Variants in LIN7A observed in about 807,000 individuals in gnomAD.
LIN7A encodes the protein protein lin-7 homolog A.
LIN7A carries 25 observed loss-of-function variants against 29.8 expected under a neutral mutation model. That is an observed-to-expected ratio of 0.84 (90% CI 0.61 to 1.17). The LOEUF (loss-of-function observed/expected upper bound fraction) is 1.17, where lower values mean the gene tolerates loss of function less well. Among genes scored for constraint, LIN7A ranks in the 50% most tolerant of loss-of-function variants. The probability of loss-of-function intolerance (pLI) is 0.00; values close to 1 mark genes in which losing one functional copy is unlikely to be tolerated. For synonymous variants in LIN7A, 118 were observed against 107.5 expected (o/e 1.10, Z -0.60); for missense variants, 239 against 287.0 (o/e 0.83, Z 1.21).
intron 3 of LIN7A, 104 bp downstream of exon 3, chr12:80,848,147 A>T: frequency 1.2e-6 from 1 of 851,376 alleles, no homozygotes; most frequent in Non-Finnish European, 2.0e-6. Context: ...TGATGTCTAA[A>T]TTCTCTTACA....
intron 4 of LIN7A, among the ~76,000 whole-genome samples, chr12:80,819,925 T>C (rs942610387): frequency 6.6e-6 from 1 of 152,212 alleles, no homozygotes; most frequent in Non-Finnish European, 1.5e-5. Flanking sequence ...TTGGTGTAAG[T>C]AGAAGTTTTC....
At chr12:80,881,614 CAA>C in intron 2 of LIN7A, among the ~76,000 whole-genome samples, 1 of 141,142 alleles carries the variant, frequency 7.1e-6, no homozygotes, top group South Asian at 2.4e-4. Context: ...GCAAAGAAAA[CAA>C]AATAAAGCTA....
intron 2 of LIN7A, among the ~76,000 whole-genome samples, chr12:80,883,610 A>T (rs1875180705): frequency 6.6e-6 from 1 of 152,220 alleles, no homozygotes. Context: ...CCTACTCTTT[A>T]ATAATGATAA....
intron 4 of LIN7A, among the ~76,000 whole-genome samples, chr12:80,836,646 C>T (rs1404329635): frequency 6.6e-6 from 1 of 151,918 alleles, no homozygotes; most frequent in Non-Finnish European, 1.5e-5. Context: ...CAGAATGAGA[C>T]CCTGTCTCAA....
chr12:80,921,586 C>G (rs979549736), intron 1 of LIN7A, among the ~76,000 whole-genome samples: 1 of 151,472 alleles, frequency 6.6e-6, no homozygotes. Flanking sequence ...GCTCTGCTCT[C>G]CTCTTCTTAG....
At chr12:80,937,424 G>A (rs555922863) in intron 1 of LIN7A, 71 of 393,456 alleles carry the variant, frequency 1.8e-4, no homozygotes, top group African/African-American at 1.3e-3. Flanking sequence ...GCGTCCCCTC[G>A]GCGGGGCGAG....
intron 2 of LIN7A, among the ~76,000 whole-genome samples, chr12:80,868,592 C>T (rs959817469): frequency 2.0e-5 from 3 of 151,934 alleles, no homozygotes; most frequent in East Asian, 1.9e-4. Context: ...AACAAACAAA[C>T]AACAACAACA....
intron 4 of LIN7A, among the ~76,000 whole-genome samples, chr12:80,844,568 A>C (rs562715782): frequency 5.3e-5 from 8 of 152,312 alleles, no homozygotes; most frequent in African/African-American, 1.9e-4. Flanking sequence ...TTTATATATT[A>C]AAATCCTTAA....
At chr12:80,875,627 C>T (rs1338979574) in intron 2 of LIN7A, among the ~76,000 whole-genome samples, 2 of 152,128 alleles carry the variant, frequency 1.3e-5, no homozygotes, top group South Asian at 2.1e-4. Flanking sequence ...AGCTCAGAGT[C>T]CCATTTGATA....
At chr12:80,905,779 AATATT>A (rs1304141912) in intron 1 of LIN7A, among the ~76,000 whole-genome samples, 1 of 152,126 alleles carries the variant, frequency 6.6e-6, no homozygotes, top group African/African-American at 2.4e-5. Context: ...CTGATATTTT[AATATT>A]ATATTGCTGT....
Position 80,878,494 on chromosome 12 carries a change from G to A in LIN7A, c.201+10757C>T, listed in dbSNP as rs190072035. Among the ~76,000 whole-genome samples, 18 of 152,250 alleles carry A rather than the reference G, an allele frequency of 1.2e-4. No homozygotes were observed. In the East Asian group the frequency reaches 2.9e-3, roughly 24 times the overall value. ...TCGCTGACTTCAAGAATGAAGCCAT[G>A]GACCTTTGCGGTGAGTGTGACAGCT... On this transcript the variant is annotated intron_variant, in intron 2 of 5. Coordinates refer to ENST00000552864, the MANE Select transcript of LIN7A (RefSeq NM_004664.4).
Position 80,813,111 on chromosome 12 carries a change from T to C in LIN7A, c.484-1428A>G, listed in dbSNP as rs376378471. Among the ~76,000 whole-genome samples, 508 of 151,328 alleles carry C rather than the reference T, an allele frequency of 3.4e-3. 5 individuals carry two copies. The highest frequency in any genetic ancestry group is 3.4e-3 in the East Asian group (17 of 5,056). ...CTGCAAGCTCCGCCTCCCGGGTTCATGCCATTCTCCTGCCTCAGCCTCCCG... is the reference window on the plus strand; with the variant it reads ...CTGCAAGCTCCGCCTCCCGGGTTCACGCCATTCTCCTGCCTCAGCCTCCCG... On this transcript the variant is annotated intron_variant, in intron 4 of 5. Coordinates refer to ENST00000552864, the MANE Select transcript of LIN7A (RefSeq NM_004664.4).
Position 80,897,112 on chromosome 12 carries a change from C to A in LIN7A, c.83-7743G>T, listed in dbSNP as rs114837432. On this transcript the variant is annotated intron_variant, in intron 1 of 5. Transcript: ENST00000552864. The stretch of plus-strand genomic sequence containing the variant: ...TTTAAAATCCTTCTTATTTTCTTTC[C>A]TAAACAGCTAAAACTGAAGTTTGAT... Among the ~76,000 whole-genome samples the A allele has an allele frequency of 9.1e-3, 1,371 of 150,466 alleles. 17 individuals are homozygous for A. The highest frequency in any genetic ancestry group is 0.026 in the African/African-American group (1,044 of 40,890).
intron 4 of LIN7A, among the ~76,000 whole-genome samples, chr12:80,819,665 C>A (rs1412174504): frequency 1.3e-5 from 2 of 152,228 alleles, no homozygotes; most frequent in Non-Finnish European, 2.9e-5. Context: ...GCTCTGTGAA[C>A]ACAGACAAGC....
At chr12:80,849,140 C>A (rs1189644489) in intron 2 of LIN7A, among the ~76,000 whole-genome samples, 2 of 152,134 alleles carry the variant, frequency 1.3e-5, no homozygotes, top group Non-Finnish European at 2.9e-5. Context: ...CAGAATCTAA[C>A]TTTTAGCTCT....
intron 1 of LIN7A, chr12:80,937,398 C>T (rs1878296755): frequency 2.6e-6 from 1 of 383,650 alleles, no homozygotes; most frequent in Non-Finnish European, 4.6e-6. Flanking sequence ...AGCGGGGACC[C>T]CAGAGCCAGA....
chr12:80,844,835 T>G (rs1042361777), intron 4 of LIN7A, among the ~76,000 whole-genome samples: 1 of 152,214 alleles, frequency 6.6e-6, no homozygotes, highest in African/African-American at 2.4e-5. Context: ...TAATTTACTC[T>G]AATTTCATTT....
intron 5 of LIN7A, among the ~76,000 whole-genome samples, chr12:80,802,295 T>C (rs1870759787): frequency 6.6e-6 from 1 of 152,214 alleles, no homozygotes; most frequent in Non-Finnish European, 1.5e-5. Context: ...GGTTCATCCA[T>C]GTTGTTGCAA....
chr12:80,840,433 G>C (rs1872756828), intron 4 of LIN7A, among the ~76,000 whole-genome samples: 1 of 152,212 alleles, frequency 6.6e-6, no homozygotes, highest in South Asian at 2.1e-4. Flanking sequence ...TTGGATGTGA[G>C]TTCATGTGTG....
Sources: gnomAD v4.1 joint callset for allele counts (sites outside exome capture counted in the v4.1 genomes callset) on GRCh38, gnomAD v4.1.1 for gene constraint, MANE v1.5 for transcripts, NCBI Gene and HGNC (gene_info 2026-07-23, HGNC 2026-07-21) for gene names.